NEBL: variants seen among roughly 807,000 people sequenced by gnomAD.
NEBL encodes nebulette.
In NEBL, 122 loss-of-function variants were observed where a neutral mutation model predicts 140.2. The ratio of observed to expected loss-of-function variants is 0.87; its 90% confidence interval spans 0.75 to 1.01. The LOEUF (loss-of-function observed/expected upper bound fraction) is 1.01. NEBL is among the 50% of genes least tolerant of loss of function. NEBL has a pLI of 0.00. For missense variants in NEBL, 1,365 were observed against 1,231.3 expected (o/e 1.11, Z -1.62); for synonymous variants, 436 against 398.9 (o/e 1.09, Z -1.11).
chr10:21,261,173 C>G (rs1588574375), intron 1 of NEBL, among the ~76,000 whole-genome samples: 1 of 152,242 alleles, frequency 6.6e-6, no homozygotes, highest in Non-Finnish European at 1.5e-5. Context: ...GTGGGTAACC[C>G]CTGTCTGAAT....
At chr10:21,098,044 C>T (rs1005292101) in intron 2 of NEBL, among the ~76,000 whole-genome samples, 1 of 152,074 alleles carries the variant, frequency 6.6e-6, no homozygotes, top group African/African-American at 2.4e-5. Context: ...CTGATAACAA[C>T]AATTATCTAA....
At chr10:21,206,787 G>A (rs1005209306) in intron 3 of NEBL, among the ~76,000 whole-genome samples, 2 of 152,036 alleles carry the variant, frequency 1.3e-5, no homozygotes, top group South Asian at 2.1e-4. Context: ...TGAAGAAGCT[G>A]TATTCCCACG....
At chr10:21,181,247 A>T (rs1456127249) in intron 3 of NEBL, among the ~76,000 whole-genome samples, 6 of 150,674 alleles carry the variant, frequency 4.0e-5, no homozygotes, top group Non-Finnish European at 5.9e-5. Flanking sequence ...TTGGCAACAA[A>T]AGTGAAACTC....
intron 2 of NEBL, among the ~76,000 whole-genome samples, chr10:21,142,778 C>T (rs977799821): frequency 5.9e-5 from 9 of 151,992 alleles, no homozygotes; most frequent in African/African-American, 1.2e-4. Flanking sequence ...ATGAACTGCG[C>T]GTGTGAGGGA....
chr10:20,826,848 T>C (rs1463077484), intron 17 of NEBL, among the ~76,000 whole-genome samples: 1 of 152,162 alleles, frequency 6.6e-6, no homozygotes, highest in Admixed American at 6.6e-5. Flanking sequence ...CAAATATAAA[T>C]ATATGTCCCA....
intron 4 of NEBL, among the ~76,000 whole-genome samples, chr10:20,961,391 A>C (rs1409647562): frequency 6.6e-6 from 1 of 152,124 alleles, no homozygotes; most frequent in Non-Finnish European, 1.5e-5. Context: ...CAAGTTTCTT[A>C]TTTTAATTAT....
chr10:21,061,518 A>G (rs1341803408), intron 2 of NEBL, among the ~76,000 whole-genome samples: 1 of 148,112 alleles, frequency 6.8e-6, no homozygotes, highest in African/African-American at 2.4e-5. Context: ...ATTATATATT[A>G]TATATCACAT....
chr10:21,036,849 C>T (rs1739505339), intron 2 of NEBL, among the ~76,000 whole-genome samples: 1 of 152,148 alleles, frequency 6.6e-6, no homozygotes, highest in Non-Finnish European at 1.5e-5. Flanking sequence ...TTGGGTATCT[C>T]CACATCAGAC....
In NEBL at chr10:21,121,553, A is replaced by G. The variant is rs1360115193; in HGVS notation, c.164+50830T>C. On this transcript the variant is annotated intron_variant, in intron 2 of 6. Coordinates refer to the NEBL transcript ENST00000417816. ...TGTATGCCTATCACGTGCACACTAT[A>G]TAATAGTAGAAATGCATTATGAAAT... Among the ~76,000 whole-genome samples, 3 of 152,324 alleles carry G rather than the reference A, an allele frequency of 2.0e-5. No homozygotes were observed. The East Asian group carries it at 5.8e-4, about 29-fold the overall frequency.
intron 2 of NEBL, among the ~76,000 whole-genome samples, chr10:21,135,569 A>T (rs1019550610): frequency 1.2e-4 from 18 of 152,204 alleles, no homozygotes; most frequent in Non-Finnish European, 2.6e-4. Flanking sequence ...CAAGCCAAAG[A>T]AACTAAACTG....
chr10:20,990,241 G>A (rs1837407333), intron 3 of NEBL, among the ~76,000 whole-genome samples: 1 of 151,962 alleles, frequency 6.6e-6, no homozygotes, highest in African/African-American at 2.4e-5. Context: ...AGGGTCCATG[G>A]CATACAAAAA....
intron 2 of NEBL, among the ~76,000 whole-genome samples, chr10:21,059,221 T>C (rs1212523499): frequency 1.3e-5 from 2 of 152,226 alleles, no homozygotes; most frequent in Non-Finnish European, 2.9e-5. Flanking sequence ...GTTGTATGAA[T>C]TACAGATGTT....
At chr10:21,224,064 G>C (rs906815740) in intron 3 of NEBL, among the ~76,000 whole-genome samples, 1 of 152,096 alleles carries the variant, frequency 6.6e-6, no homozygotes, top group Non-Finnish European at 1.5e-5. Context: ...TTTTGCTTTG[G>C]TTGCCAGTGC....
chr10:20,863,055 A>G (rs1232296996), intron 7 of NEBL, among the ~76,000 whole-genome samples: 1 of 152,132 alleles, frequency 6.6e-6, no homozygotes, highest in Non-Finnish European at 1.5e-5. Context: ...TTAAAGAATT[A>G]TAAGAGACAG....
At chr10:20,945,653 G>A (rs915125818) in intron 4 of NEBL, among the ~76,000 whole-genome samples, 3 of 152,082 alleles carry the variant, frequency 2.0e-5, no homozygotes, top group African/African-American at 7.2e-5. Context: ...TCAAAATTTG[G>A]TCCTAATACT....
chr10:21,165,793 G>A (rs542680810), intron 2 of NEBL, among the ~76,000 whole-genome samples: 402 of 152,270 alleles, frequency 2.6e-3, no homozygotes, highest in African/African-American at 9.2e-3. Context: ...AGGGAAAGGT[G>A]TGGGGTCGGG....
chr10:21,136,688 C>T (rs757786441), intron 2 of NEBL, among the ~76,000 whole-genome samples: 8 of 152,162 alleles, frequency 5.3e-5, no homozygotes, highest in Non-Finnish European at 1.0e-4. Context: ...GGACAAAGCT[C>T]GCCAAAGCCT....
chr10:21,287,600 A>G (rs1843074792), intron 1 of NEBL, among the ~76,000 whole-genome samples: 1 of 152,326 alleles, frequency 6.6e-6, no homozygotes, highest in South Asian at 2.1e-4. Context: ...AAATGCAAGT[A>G]AAATTAAAAT....
intron 12 of NEBL, among the ~76,000 whole-genome samples, chr10:20,842,297 C>T (rs918850733): frequency 1.1e-4 from 17 of 152,024 alleles, no homozygotes; most frequent in African/African-American, 3.9e-4. Context: ...GTGTGACCTT[C>T]GGGAGTACTT....
Sources: allele counts gnomAD v4.1 joint callset (sites outside exome capture counted in the v4.1 genomes callset), GRCh38; gene constraint gnomAD v4.1.1; transcripts MANE v1.5; gene names NCBI Gene and HGNC (gene_info 2026-07-23, HGNC 2026-07-21).